Variants in LRRC28 observed in about 807,000 individuals in gnomAD.
LRRC28 encodes the protein leucine rich repeat containing 28, also known as leucine-rich repeat-containing protein 28.
A neutral mutation model predicts 45.7 loss-of-function variants in LRRC28; 39 were observed. The ratio of observed to expected loss-of-function variants is 0.85; its 90% CI spans 0.66 to 1.12. LRRC28 has a LOEUF of 1.12. Among genes scored for constraint, LRRC28 ranks in the 50% most tolerant of loss-of-function variants. The pLI is 0.00. For synonymous variants in LRRC28, 206 were observed against 178.8 expected, an observed-to-expected ratio of 1.15 and a Z score of -1.22; for missense variants, 435 against 438.5, an observed-to-expected ratio of 0.99 and a Z score of 0.07.
At chr15:99,294,618 C>G (rs1442287307) in intron 5 of LRRC28, among the ~76,000 whole-genome samples, 1 of 152,120 alleles carries the variant, frequency 6.6e-6, no homozygotes, top group Non-Finnish European at 1.5e-5. Context: ...GACACTTTTT[C>G]ACTGTGTTCT....
intron 2 of LRRC28, among the ~76,000 whole-genome samples, chr15:99,262,572 A>G (rs1445512874): frequency 3.9e-5 from 6 of 152,132 alleles, no homozygotes; most frequent in Admixed American, 1.3e-4. Context: ...ACAGAGTGAG[A>G]CTCGGTCTCA....
intron 1 of LRRC28, among the ~76,000 whole-genome samples, chr15:99,252,804 G>T (rs1020337586): frequency 2.0e-5 from 3 of 152,118 alleles, no homozygotes; most frequent in African/African-American, 7.2e-5. Context: ...AGAATATGCC[G>T]GTTTGTTACA....
intron 9 of LRRC28, among the ~76,000 whole-genome samples, chr15:99,372,632 A>G (rs2152334440): frequency 6.6e-6 from 1 of 152,314 alleles, no homozygotes; most frequent in South Asian, 2.1e-4. Flanking sequence ...CACAAATATG[A>G]AACCTCCAGG....
Position 99,386,927 on chromosome 15 carries a change from A to G in LRRC28, c.*825A>G, listed in dbSNP as rs529897089. ...CTTTCTCAATATAAAGTTTCCATACAATGAGAAAGGGGGAGAAAACACACA... is the reference window on the plus strand; with the variant it reads ...CTTTCTCAATATAAAGTTTCCATACGATGAGAAAGGGGGAGAAAACACACA... On this transcript the variant is annotated 3_prime_UTR_variant, in exon 10 of 10. Coordinates refer to ENST00000301981, the MANE Select transcript of LRRC28 (RefSeq NM_144598.5). 1.3e-5 allele frequency: 2 copies of G among 152,186 alleles called. No individual in the cohort carries two copies. The highest frequency in any genetic ancestry group is 4.8e-5 in the African/African-American group (2 of 41,432). The allele number at this position is 152,186 out of a possible 1,614,324, so 9.4% of individuals were successfully genotyped here. A position where few individuals can be genotyped will look rare whatever the true frequency, so the allele number is the denominator to read the frequency against.
intron 1 of LRRC28, among the ~76,000 whole-genome samples, chr15:99,254,860 C>T (rs1349414652): frequency 1.3e-5 from 2 of 152,186 alleles, no homozygotes; most frequent in African/African-American, 4.8e-5. Flanking sequence ...GCCCTGGACT[C>T]AGGCCTTTAA....
At chr15:99,363,673 TGTTTGTGTGCATGCGCACACACA>T (rs1291020433) in intron 9 of LRRC28, among the ~76,000 whole-genome samples, 3 of 152,244 alleles carry the variant, frequency 2.0e-5, no homozygotes, top group Non-Finnish European at 4.4e-5. Context: ...TATGTGTGTG[TGTTTGTGTGCATGCGCACACACA>T]CACATTTCTG....
chr15:99,294,885 A>C (rs530007400), intron 5 of LRRC28, among the ~76,000 whole-genome samples: 7 of 151,952 alleles, frequency 4.6e-5, no homozygotes, highest in Admixed American at 3.3e-4. Flanking sequence ...CTTGCCCCCA[A>C]CTCTGATCTA....
At chr15:99,360,829 A>G (rs1186379592) in intron 7 of LRRC28, among the ~76,000 whole-genome samples, 3 of 152,228 alleles carry the variant, frequency 2.0e-5, no homozygotes, top group Admixed American at 1.3e-4. Context: ...GAGTATGCCA[A>G]GAATATTTTC....
intron 5 of LRRC28, among the ~76,000 whole-genome samples, chr15:99,301,056 A>G (rs1020489766): frequency 6.6e-6 from 1 of 152,198 alleles, no homozygotes; most frequent in African/African-American, 2.4e-5. Context: ...GTTGTCTTGC[A>G]GTATTTTTAT....
At chr15:99,323,100 T>A (rs971608088) in intron 5 of LRRC28, among the ~76,000 whole-genome samples, 7 of 152,206 alleles carry the variant, frequency 4.6e-5, no homozygotes, top group Non-Finnish European at 1.0e-4. Flanking sequence ...CCTTTTAAAA[T>A]AATGTACACT....
At chr15:99,313,009 A>G (rs1049294756) in intron 5 of LRRC28, among the ~76,000 whole-genome samples, 6 of 152,216 alleles carry the variant, frequency 3.9e-5, no homozygotes, top group African/African-American at 1.4e-4. Flanking sequence ...ACTTAGTCAT[A>G]AAGCAAGACC....
At chr15:99,287,707 G>A in intron 4 of LRRC28, 107 bp from the exon 5 acceptor site, 1 of 1,247,952 alleles carries the variant, frequency 8.0e-7, no homozygotes, top group South Asian at 1.7e-5. Context: ...GAGCAACTGA[G>A]ACAAGGAAAT....
chr15:99,323,390 C>G (rs1955866274), intron 5 of LRRC28, among the ~76,000 whole-genome samples: 1 of 152,166 alleles, frequency 6.6e-6, no homozygotes, highest in African/African-American at 2.4e-5. Flanking sequence ...TGATTTTAGA[C>G]TATATCTAGG....
At chr15:99,346,137 A>G (rs546379049) in intron 6 of LRRC28, among the ~76,000 whole-genome samples, 18 of 152,224 alleles carry the variant, frequency 1.2e-4, no homozygotes, top group African/African-American at 3.9e-4. Flanking sequence ...ATGGGCCACA[A>G]TGCCCAGCTA....
intron 5 of LRRC28, among the ~76,000 whole-genome samples, chr15:99,323,262 C>G (rs536485796): frequency 8.5e-5 from 13 of 152,284 alleles, no homozygotes; most frequent in African/African-American, 2.6e-4. Context: ...TTTGCAGTGA[C>G]CAGTCTGGGT....
At chr15:99,374,309 A>G (rs1240417152) in intron 9 of LRRC28, among the ~76,000 whole-genome samples, 1 of 152,216 alleles carries the variant, frequency 6.6e-6, no homozygotes, top group African/African-American at 2.4e-5. Context: ...ATAAATCATT[A>G]AACGTTTTCC....
chr15:99,346,526 A>C (rs575060958), intron 6 of LRRC28, among the ~76,000 whole-genome samples: 20 of 152,362 alleles, frequency 1.3e-4, no homozygotes, highest in Admixed American at 1.2e-3. Context: ...AGGATCTGGC[A>C]ATGCCGTGTT....
chr15:99,332,597 T>G (rs1956195203), intron 5 of LRRC28, among the ~76,000 whole-genome samples: 1 of 152,202 alleles, frequency 6.6e-6, no homozygotes, highest in African/African-American at 2.4e-5. Flanking sequence ...CTCTGTCACA[T>G]GTTCTTTGTC....
At chr15:99,281,030 AT>A (rs542340109) in intron 3 of LRRC28, among the ~76,000 whole-genome samples, 14,421 of 143,846 alleles carry the variant, frequency 0.1, 715 homozygotes, top group African/African-American at 0.14. Context: ...TGGTTACTGT[AT>A]TTTTTTTTTT....
Sources: allele counts gnomAD v4.1 joint callset (sites outside exome capture counted in the v4.1 genomes callset), GRCh38; gene constraint gnomAD v4.1.1; transcripts MANE v1.5; gene names NCBI Gene and HGNC (gene_info 2026-07-23, HGNC 2026-07-21).